The following ZNF197 variants were observed in gnomAD, a reference collection of about 807,000 sequenced individuals.
The protein encoded by ZNF197 is zinc finger protein 197.
ZNF197 carries 14 observed loss-of-function variants against 27.4 expected under a neutral mutation model. That is an observed-to-expected ratio of 0.51 (90% CI 0.34 to 0.80). The LOEUF (loss-of-function observed/expected upper bound fraction) is 0.80, where lower values mean the gene tolerates loss of function less well. Ranked by LOEUF, ZNF197 falls within the 30% of genes least tolerant of loss-of-function variation. ZNF197 has a pLI of 0.02. For synonymous variants in ZNF197, 415 were observed against 420.0 expected, an observed-to-expected ratio of 0.99 and a Z score of 0.15; for missense variants, 1,090 against 1,222.6, an observed-to-expected ratio of 0.89 and a Z score of 1.62.
Position 44,645,409 on chromosome 3 carries a change from A to G in ZNF197, c.*1189A>G. ...ATAGCTAACTGGAATTTAGTGTTCT[A>G]AGAATAATTTTGTTAAATTTACCTT... On this transcript the variant is annotated 3_prime_UTR_variant, in exon 6 of 6. Coordinates refer to ENST00000344387, the MANE Select transcript of ZNF197 (RefSeq NM_006991.5). 3.0e-6 allele frequency: 3 copies of G among 985,384 alleles called. No individual in the cohort carries two copies. Among genetic ancestry groups the G allele is most frequent in the East Asian group, 1.1e-4 (1 of 8,808 alleles). 61.0% of individuals were successfully genotyped at this position (985,384 alleles called of 1,614,324 possible).
At position 44,629,491 on chromosome 3, in the gene ZNF197, G is replaced by T. The variant is rs1458528807; in HGVS notation, c.337G>T (p.Ala113Ser). ...CCATCACCCTGGAAGTGGCGAGGAG[G>T]CTGTGGCCCTGGTAGAGGAGCTGCA... Reference protein sequence around the residue: ...QLHHPGSGEEAVALVEELQKD... With the variant: ...QLHHPGSGEESVALVEELQKD... Residue 113 changes from alanine (A) to serine (S), a missense_variant, in exon 2 of 6, where the codon GCT becomes TCT. Physicochemically the swap from Ala to Ser is moderately conservative, Grantham distance 99 (BLOSUM62 1). Coordinates refer to ENST00000344387, the MANE Select transcript of ZNF197 (RefSeq NM_006991.5). 1.2e-6 allele frequency: 2 copies of T among 1,600,126 alleles called. No homozygotes were observed. Among genetic ancestry groups the T allele is most frequent in the Non-Finnish European group, 1.7e-6 (2 of 1,174,134 alleles).
intron 1 of ZNF197, among the ~76,000 whole-genome samples, chr3:44,628,209 A>G (rs1701777279): frequency 6.6e-6 from 1 of 152,192 alleles, no homozygotes; most frequent in Non-Finnish European, 1.5e-5. Context: ...AAACTATGGT[A>G]AGGACATAGT....
intron 5 of ZNF197, 27 bp from the exon 6 acceptor site, chr3:44,641,873 A>T: frequency 6.5e-7 from 1 of 1,544,692 alleles, no homozygotes; most frequent in Non-Finnish European, 8.7e-7. Context: ...ACGTGGTAAC[A>T]TTTGCATTTT....
intron 1 of ZNF197, among the ~76,000 whole-genome samples, chr3:44,626,666 A>G (rs900309098): frequency 2.6e-5 from 4 of 152,242 alleles, no homozygotes; most frequent in African/African-American, 9.6e-5. Context: ...CGAAGAGCAC[A>G]AACTTTGAGA....
At chr3:44,633,888 T>C (rs1702136995) in intron 5 of ZNF197, among the ~76,000 whole-genome samples, 1 of 152,236 alleles carries the variant, frequency 6.6e-6, no homozygotes. Context: ...TTTTTGTTTG[T>C]GTTAATTTTG....
Position 44,641,940 on chromosome 3 carries a change from G to A in ZNF197, c.810G>A (p.Lys270=). 6.2e-7 allele frequency: 1 copy of A among 1,610,570 alleles called. No individual in the cohort carries two copies. The highest frequency in any genetic ancestry group is 8.5e-7 in the Non-Finnish European group (1 of 1,178,428). ...CCGAGAATGAGGAGGTGACATCAAA[G>A]CCAAGTAGTTCTCAAAGAGCAGACT... ...TMTENEEVTS[K]PSSSQRADSH... Residue 270 remains lysine, a synonymous_variant, in exon 6 of 6, where the codon AAG becomes AAA. Transcript: ENST00000344387.
Position 44,643,559 on chromosome 3 carries a change from G to T in ZNF197, c.2429G>T (p.Arg810Ile). 6.2e-7 allele frequency: 1 copy of T among 1,614,162 alleles called. No individual in the cohort carries two copies. The highest frequency in any genetic ancestry group is 8.5e-7 in the Non-Finnish European group (1 of 1,180,036). Residue 810 changes from arginine (R) to isoleucine (I), a missense_variant, in exon 6 of 6, where the codon AGA becomes ATA. Coordinates refer to ENST00000344387, the MANE Select transcript of ZNF197 (RefSeq NM_006991.5). Reference protein sequence around the residue: ...ILKKSLIGHQRIHTREKSYKC... With the variant: ...ILKKSLIGHQIIHTREKSYKC... Reference sequence around the variant, plus strand: ...AAGAAAAGCCTCATTGGACATCAGAGAATTCACACGAGGGAAAAATCTTAT... The same window carrying T: ...AAGAAAAGCCTCATTGGACATCAGATAATTCACACGAGGGAAAAATCTTAT...
intron 2 of ZNF197, chr3:44,630,850 T>C (rs150120584): frequency 1.4e-6 from 1 of 701,928 alleles, no homozygotes; most frequent in South Asian, 1.5e-5. Flanking sequence ...TACAGTCTCC[T>C]CTGGGAGAGG....
At chr3:44,631,992 C>T (rs555486741) in intron 3 of ZNF197, 113 bp from the exon 4 acceptor site, 38 of 959,448 alleles carry the variant, frequency 4.0e-5, no homozygotes, top group East Asian at 2.5e-4. Context: ...TGAGCCACCA[C>T]GCCCTGCCTT....
Position 44,643,147 on chromosome 3 carries a change from A to G in ZNF197, c.2017A>G (p.Thr673Ala), listed in dbSNP as rs1350114991. Reference sequence around the variant, plus strand: ...CCTCATTTTACATCAAAGGTTCCACACTGGAGAGAATCTCTATGAATGTAA... The same window carrying G: ...CCTCATTTTACATCAAAGGTTCCACGCTGGAGAGAATCTCTATGAATGTAA... Reference protein sequence around the residue: ...KSLILHQRFHTGENLYECKDC... With the variant: ...KSLILHQRFHAGENLYECKDC... The change falls in exon 6 of 6, where the codon ACT (threonine) becomes GCT (alanine). Residue 673 changes from threonine to alanine, a missense_variant. Thr to Ala is a moderately conservative substitution (Grantham distance 58). Transcript: ENST00000344387. 1.2e-6 allele frequency: 2 copies of G among 1,612,716 alleles called. No homozygotes were observed. Among genetic ancestry groups the G allele is most frequent in the African/African-American group, 2.7e-5 (2 of 74,764 alleles).
At chr3:44,630,115 G>A (rs1193097221) in intron 2 of ZNF197, among the ~76,000 whole-genome samples, 1 of 152,202 alleles carries the variant, frequency 6.6e-6, no homozygotes, top group Non-Finnish European at 1.5e-5. Flanking sequence ...TACTTAGAAG[G>A]CTGAGGTGGG....
In ZNF197 at chr3:44,641,916, C is replaced by T. The variant is rs144259566; in HGVS notation, c.786C>T (p.Thr262=). Reference sequence around the variant, plus strand: ...TTTTACCAGAATGGGAGACCATGACCGAGAATGAGGAGGTGACATCAAAGC... The same window carrying T: ...TTTTACCAGAATGGGAGACCATGACTGAGAATGAGGAGGTGACATCAAAGC... ...NVTSLEWETM[T]ENEEVTSKPS... The change falls in exon 6 of 6, where the codon ACC becomes ACT. Residue 262 remains threonine, a synonymous_variant. Transcript: ENST00000344387. 33 of 1,593,092 alleles carry T rather than the reference C, an allele frequency of 2.1e-5. No homozygotes were observed. The East Asian group carries it at 3.4e-4, about 16-fold the overall frequency.
Position 44,643,606 on chromosome 3 carries a change from G to C in ZNF197, c.2476G>C (p.Val826Leu). ...KSYKCNDCGK[V>L]FSYRSNLIAH... ...TTATAAATGCAATGACTGTGGGAAGGTCTTCAGTTACCGCTCAAACCTTAT... is the reference window on the plus strand; with the variant it reads ...TTATAAATGCAATGACTGTGGGAAGCTCTTCAGTTACCGCTCAAACCTTAT... The change falls in exon 6 of 6, where the codon GTC becomes CTC. Residue 826 changes from valine (V) to leucine (L), a missense_variant. Physicochemically the swap from Val to Leu is conservative, Grantham distance 32. Transcript: ENST00000344387. 6.2e-7 allele frequency: 1 copy of C among 1,614,204 alleles called. No individual in the cohort carries two copies. Among genetic ancestry groups the C allele is most frequent in the Non-Finnish European group, 8.5e-7 (1 of 1,180,030 alleles).
chr3:44,645,022 G>T lies in ZNF197; in HGVS notation c.*802G>T. On this transcript the variant is annotated 3_prime_UTR_variant, in exon 6 of 6. Coordinates refer to ENST00000344387, the MANE Select transcript of ZNF197 (RefSeq NM_006991.5). ...CAGGTGTGGAGTTGGGCGGACAAGAGTCTGCTGATGAGGACAACCTAAAAG... is the reference window on the plus strand; with the variant it reads ...CAGGTGTGGAGTTGGGCGGACAAGATTCTGCTGATGAGGACAACCTAAAAG... The T allele has an allele frequency of 2.0e-6, 2 of 985,426 alleles. No individual in the cohort carries two copies. The highest frequency in any genetic ancestry group is 2.4e-6 in the Non-Finnish European group (2 of 829,936). 61.0% of individuals were successfully genotyped at this position (985,426 alleles called of 1,614,324 possible). A position where few individuals can be genotyped will look rare whatever the true frequency, so the allele number is the denominator to read the frequency against.
In ZNF197 at chr3:44,645,750, T is replaced by A. The variant is rs1267800738; in HGVS notation, c.*1530T>A. The A allele has an allele frequency of 7.4e-5, 73 of 985,356 alleles. No homozygotes were observed. Among genetic ancestry groups the A allele is most frequent in the Admixed American group, 1.8e-4 (3 of 16,270 alleles). The allele number at this position is 985,356 out of a possible 1,614,324, so 61.0% of individuals were successfully genotyped here. ...ATGAAACAACATTCTGTCCCAGCAC[T>A]AAATTTACTGGGACATAAATTTTTC... On this transcript the variant is annotated 3_prime_UTR_variant, in exon 6 of 6. Transcript: ENST00000344387.
At position 44,640,460 on chromosome 3, in the gene ZNF197, C is replaced by T. The variant is rs11718769; in HGVS notation, c.770-1440C>T. On this transcript the variant is annotated intron_variant, in intron 5 of 5. Coordinates refer to ENST00000344387, the MANE Select transcript of ZNF197 (RefSeq NM_006991.5). The surrounding 1 kb of genome is among the most constrained non-coding windows in gnomAD (Gnocchi z 4.0). The stretch of plus-strand genomic sequence containing the variant: ...TGGTGTGATCTCGGCTCACTGCAAC[C>T]TCTACCTCCCTGGTTCAAGTGATTC... Among the ~76,000 whole-genome samples, 43,399 of 151,558 alleles carry T rather than the reference C, an allele frequency of 0.29. 6,729 individuals carry two copies. The highest frequency in any genetic ancestry group is 0.32 in the Non-Finnish European group (21,577 of 67,832).
intron 5 of ZNF197, among the ~76,000 whole-genome samples, chr3:44,633,749 T>C (rs1365447022): frequency 6.6e-6 from 1 of 152,240 alleles, no homozygotes; most frequent in African/African-American, 2.4e-5. Flanking sequence ...TTTTCTGTAC[T>C]GCTTTTGTAT....
chr3:44,644,260 G>GTT lies in ZNF197; in HGVS notation c.*41_*42insTT, dbSNP rs1238858229. On this transcript the variant is annotated 3_prime_UTR_variant, in exon 6 of 6. Coordinates refer to ENST00000344387, the MANE Select transcript of ZNF197 (RefSeq NM_006991.5). ...TGGAATAGAATCCCTGCCTACTTAA[G>GTT]TAACTGTTGGACAAATGATATATAT... The GTT allele has an allele frequency of 6.5e-7, 1 of 1,538,940 alleles. No homozygotes were observed. Among genetic ancestry groups the GTT allele is most frequent in the Non-Finnish European group, 8.7e-7 (1 of 1,149,222 alleles).
In ZNF197 at chr3:44,646,385, A is replaced by G. The variant is rs1702955869; in HGVS notation, c.*2165A>G. ...TCTTCACCGAGTAACAAAATGTCACATTGCTTAGATTGAGACAGCCCACAT... is the reference window on the plus strand; with the variant it reads ...TCTTCACCGAGTAACAAAATGTCACGTTGCTTAGATTGAGACAGCCCACAT... On this transcript the variant is annotated 3_prime_UTR_variant, in exon 6 of 6. Coordinates refer to ENST00000344387, the MANE Select transcript of ZNF197 (RefSeq NM_006991.5). 6.3e-7 allele frequency: 1 copy of G among 1,576,388 alleles called. No individual in the cohort carries two copies.
Sources: allele counts gnomAD v4.1 joint callset (sites outside exome capture counted in the v4.1 genomes callset), GRCh38; gene constraint gnomAD v4.1.1; non-coding constraint Gnocchi (gnomAD v3.1); transcripts MANE v1.5; gene names NCBI Gene and HGNC (gene_info 2026-07-23, HGNC 2026-07-21).